The following ACO1 variants were observed in gnomAD, a reference collection of about 807,000 sequenced individuals.
The protein encoded by ACO1 is aconitase 1.
ACO1 carries 78 observed loss-of-function variants against 105.1 expected under a neutral mutation model. The observed-to-expected ratio is 0.74, with a 90% CI of 0.62 to 0.90. ACO1 has a LOEUF of 0.90. ACO1 is among the 40% of genes least tolerant of loss of function. ACO1 has a pLI of 0.00. For missense variants in ACO1, 965 were observed against 1,111.1 expected (o/e 0.87, Z 1.87); for synonymous variants, 364 against 397.4 (o/e 0.92, Z 1.00).
chr9:32,393,165 G>C (rs187306993), intron 1 of ACO1, among the ~76,000 whole-genome samples: 3 of 152,112 alleles, frequency 2.0e-5, no homozygotes, highest in East Asian at 1.9e-4. Flanking sequence ...CCGGTGAGCC[G>C]GGGGGGAAAC....
intron 19 of ACO1, among the ~76,000 whole-genome samples, chr9:32,448,425 A>G (rs1400300847): frequency 6.6e-6 from 1 of 152,278 alleles, no homozygotes; most frequent in African/African-American, 2.4e-5. Flanking sequence ...GCTAGCAGCA[A>G]GAATTTCAAG....
intron 1 of ACO1, among the ~76,000 whole-genome samples, chr9:32,385,603 A>T (rs1297944828): frequency 6.6e-6 from 1 of 151,832 alleles, no homozygotes; most frequent in Non-Finnish European, 1.5e-5. Flanking sequence ...AAAATGATTG[A>T]GAAGAGTGGC....
chr9:32,446,383 G>A (rs750463479), intron 19 of ACO1, among the ~76,000 whole-genome samples: 1 of 152,080 alleles, frequency 6.6e-6, no homozygotes, highest in Non-Finnish European at 1.5e-5. Context: ...TTTAAAGTCT[G>A]TTTTATCAGA....
At chr9:32,391,349 C>T (rs997322726) in intron 1 of ACO1, among the ~76,000 whole-genome samples, 4 of 152,208 alleles carry the variant, frequency 2.6e-5, no homozygotes, top group East Asian at 1.9e-4. Context: ...TATGTGAAGA[C>T]GCAAAAGCAT....
intron 17 of ACO1, among the ~76,000 whole-genome samples, chr9:32,435,146 T>C (rs968380506): frequency 6.6e-6 from 1 of 152,180 alleles, no homozygotes; most frequent in Non-Finnish European, 1.5e-5. Context: ...TGTGCTGATA[T>C]TCATAGGTAT....
chr9:32,452,798 T>A lies in ACO1; in HGVS notation c.*2687T>A, dbSNP rs192036476. On this transcript the variant is annotated 3_prime_UTR_variant, in exon 21 of 21. Transcript: ENST00000309951. ...GGGCAACACTCTACAAAAAAAAAAA[T>A]AAATAAATAAATAAATAAAATAAAT... is the stretch of plus-strand genomic sequence containing the variant. 4,911 of 150,222 alleles carry A rather than the reference T, an allele frequency of 0.033. 103 individuals carry two copies. The highest frequency in any genetic ancestry group is 0.059 in the Middle Eastern group (17 of 290). 9.3% of individuals were successfully genotyped at this position (150,222 alleles called of 1,614,324 possible).
Position 32,453,964 on chromosome 9 carries a change from G to A in ACO1, c.*3853G>A, listed in dbSNP as rs1225231509. The A allele has an allele frequency of 6.6e-6, 1 of 152,228 alleles. No individual in the cohort carries two copies. The highest frequency in any genetic ancestry group is 2.4e-5 in the African/African-American group (1 of 41,464). 9.4% of individuals were successfully genotyped at this position (152,228 alleles called of 1,614,324 possible). A position where few individuals can be genotyped will look rare whatever the true frequency, so the allele number is the denominator to read the frequency against. On this transcript the variant is annotated 3_prime_UTR_variant, in exon 21 of 21. Transcript: ENST00000309951. ...CTTATTCAGTACAGATTTGTTGAAT[G>A]AAATTCGTAGTTTTATTTTACGGCA...
chr9:32,450,840 G>A lies in ACO1; in HGVS notation c.*729G>A, dbSNP rs1005084617. On this transcript the variant is annotated 3_prime_UTR_variant, in exon 21 of 21. Coordinates refer to ENST00000309951, the MANE Select transcript of ACO1 (RefSeq NM_002197.3). ...TGAAATCTATTTTCAGTGAAAACTT[G>A]TTGACTTTGAGTTTTGCTGTGTTTG... 6.6e-6 allele frequency: 1 copy of A among 152,178 alleles called. No homozygotes were observed. The highest frequency in any genetic ancestry group is 2.4e-5 in the African/African-American group (1 of 41,426). The allele number at this position is 152,178 out of a possible 1,614,324, so 9.4% of individuals were successfully genotyped here.
rs776573666 is a variant in ACO1, at chr9:32,436,380, C to T, written c.2230C>T (p.Leu744=). ...LNKQAPQTIH[L]PSGEILDVFD... Reference sequence around the variant, plus strand: ...CAAGCAGGCACCACAGACTATCCATCTGCCTTCTGGGGAAATCGTGAGTAT... The same window carrying T: ...CAAGCAGGCACCACAGACTATCCATTTGCCTTCTGGGGAAATCGTGAGTAT... The change falls in exon 18 of 21, where the codon CTG becomes TTG. Residue 744 remains leucine (L), a synonymous_variant. Coordinates refer to ENST00000309951, the MANE Select transcript of ACO1 (RefSeq NM_002197.3). The T allele has an allele frequency of 4.3e-6, 7 of 1,614,160 alleles. No individual in the cohort carries two copies. In the South Asian group the frequency reaches 5.5e-5, roughly 13 times the overall value.
At chr9:32,393,320 G>A (rs191665601) in intron 1 of ACO1, among the ~76,000 whole-genome samples, 127 of 152,190 alleles carry the variant, frequency 8.3e-4, no homozygotes, top group Non-Finnish European at 1.5e-3. Context: ...TGTCTTTTAC[G>A]GTCACTGCTG....
chr9:32,436,907 C>G (rs1022651897), intron 18 of ACO1, among the ~76,000 whole-genome samples: 14 of 152,108 alleles, frequency 9.2e-5, no homozygotes, highest in African/African-American at 3.4e-4. Flanking sequence ...CATCTCTGAG[C>G]CTTGCTTTTC....
chr9:32,453,453 GC>G lies in ACO1; in HGVS notation c.*3346del, dbSNP rs1190671852. ...TAGTGACTCAAGCTCCCTTCCATTT[GC>G]CCCTCCAACCACCCCCCCATCCCTC... is the stretch of plus-strand genomic sequence containing the variant. On this transcript the variant is annotated 3_prime_UTR_variant, in exon 21 of 21. Coordinates refer to ENST00000309951, the MANE Select transcript of ACO1 (RefSeq NM_002197.3). 1.3e-5 allele frequency: 2 copies of G among 150,312 alleles called. No individual in the cohort carries two copies. The highest frequency in any genetic ancestry group is 3.0e-5 in the Non-Finnish European group (2 of 67,790). 9.3% of individuals were successfully genotyped at this position (150,312 alleles called of 1,614,324 possible).
In ACO1 at chr9:32,417,393, C is replaced by T. The variant is rs147923206; in HGVS notation, c.405-735C>T. Among the ~76,000 whole-genome samples the T allele has an allele frequency of 5.3e-5, 8 of 152,294 alleles. No homozygotes were observed. In the East Asian group the frequency reaches 1.5e-3, roughly 29 times the overall value. ...ATTTTACTAGCCTTTCCTGTGTTCA[C>T]TCAATCCTATGATACATGCTTTATG... is the stretch of plus-strand genomic sequence containing the variant. On this transcript the variant is annotated intron_variant, in intron 4 of 20. Transcript: ENST00000309951.
At chr9:32,434,812 G>A in intron 17 of ACO1, 111 bp downstream of exon 17, 1 of 1,314,744 alleles carries the variant, frequency 7.6e-7, no homozygotes, top group Non-Finnish European at 1.1e-6. Context: ...CTTTGGTTGT[G>A]CACTGAGGCT....
chr9:32,399,964 C>CTATTTTTTTTTTTTTTTTTTTTTTTTTTT (rs1300474052), intron 1 of ACO1, among the ~76,000 whole-genome samples: 1 of 42,420 alleles, frequency 2.4e-5, no homozygotes, highest in Non-Finnish European at 4.9e-5. Flanking sequence ...TTTTCTTTTT[C>CTATTTTTTTTTTTTTTTTTTTTTTTTTTT]TGTTTTTTTT....
intron 9 of ACO1, 23 bp downstream of exon 9, chr9:32,423,442 G>A (rs371919534): frequency 6.8e-7 from 1 of 1,472,912 alleles, no homozygotes; most frequent in Admixed American, 1.9e-5. Context: ...CTTCCACTGT[G>A]CATGTATTTC....
intron 1 of ACO1, 33 bp downstream of exon 1, chr9:32,384,768 A>T (rs1177989990): frequency 2.7e-6 from 1 of 364,310 alleles, no homozygotes; most frequent in African/African-American, 2.2e-5. Context: ...CCACGTCCCC[A>T]GGCGGGAGCG....
intron 4 of ACO1, among the ~76,000 whole-genome samples, chr9:32,413,990 A>C (rs1563935133): frequency 6.6e-6 from 1 of 152,050 alleles, no homozygotes; most frequent in African/African-American, 2.4e-5. Context: ...TCTACTAAAA[A>C]TACAAAAAAT....
rs1187557831 is a variant in ACO1 at position 32,450,302 on chromosome 9, A to G, written c.*191A>G. 11 of 671,032 alleles carry G rather than the reference A, an allele frequency of 1.6e-5. No individual in the cohort carries two copies. The highest frequency in any genetic ancestry group is 3.0e-5 in the Non-Finnish European group (11 of 366,152). 41.6% of individuals were successfully genotyped at this position (671,032 alleles called of 1,614,324 possible). A position where few individuals can be genotyped will look rare whatever the true frequency, so the allele number is the denominator to read the frequency against. On this transcript the variant is annotated 3_prime_UTR_variant, in exon 21 of 21. Coordinates refer to ENST00000309951, the MANE Select transcript of ACO1 (RefSeq NM_002197.3). ...GTTTCTACATTCTCTATTTTTGTTA[A>G]TCATCTTCTCTTTTTCCAGAATTTG...
Sources: allele counts gnomAD v4.1 joint callset (sites outside exome capture counted in the v4.1 genomes callset), GRCh38; gene constraint gnomAD v4.1.1; transcripts MANE v1.5; gene names NCBI Gene and HGNC (gene_info 2026-07-23, HGNC 2026-07-21).